Variants in ZNF516 observed in about 807,000 individuals in gnomAD.
The protein encoded by ZNF516 is zinc finger protein 516.
In ZNF516, 19 loss-of-function variants were observed where a neutral mutation model predicts 79.7. That is an observed-to-expected ratio of 0.24 (90% CI 0.17 to 0.35). ZNF516 has a LOEUF of 0.35. ZNF516 is among the 10% of genes least tolerant of loss of function. The pLI is 1.00. For missense variants in ZNF516, 1,678 were observed against 1,679.5 expected (o/e 1.00, Z 0.02); for synonymous variants, 877 against 739.5 (o/e 1.19, Z -3.02).
At position 76,442,144 on chromosome 18, in the gene ZNF516, C is replaced by T. The variant is rs763339807; in HGVS notation, c.911G>A (p.Ser304Asn). ...CAGCTCACTCTTGGGCCTGTTCTTG[C>T]TGCCCGTCTTGGGGCCGTGCGCCTT... Reference protein sequence around the residue: ...HMKAHGPKTGSKNRPKSELDP... With the variant: ...HMKAHGPKTGNKNRPKSELDP... The change falls in exon 3 of 7, where the codon AGC becomes AAC. Residue 304 changes from serine to asparagine, a missense_variant. By Grantham distance (46) the Ser-to-Asn change is conservative. Transcript: ENST00000443185. 1.2e-6 allele frequency: 2 copies of T among 1,613,976 alleles called. No homozygotes were observed. The highest frequency in any genetic ancestry group is 1.7e-4 in the Middle Eastern group (1 of 6,060).
At chr18:76,420,566 G>A (rs1046118947) in intron 3 of ZNF516, among the ~76,000 whole-genome samples, 7 of 151,962 alleles carry the variant, frequency 4.6e-5, no homozygotes, top group Non-Finnish European at 7.4e-5. Context: ...ATGTTATTTC[G>A]TGGAAAACAG....
At chr18:76,431,489 C>T (rs531714135) in intron 3 of ZNF516, among the ~76,000 whole-genome samples, 52 of 152,314 alleles carry the variant, frequency 3.4e-4, no homozygotes, top group Admixed American at 2.5e-3. Context: ...GTCCTGTGCC[C>T]GGCATGACGG....
chr18:76,467,519 G>A lies in ZNF516; in HGVS notation c.-271-4378C>T, dbSNP rs1297684755. ...TGCTGGAATTACAGCATCCACAGGT[G>A]CTGGGCTTTCCTGGAGGCTGCAAGT... On this transcript the variant is annotated intron_variant, in intron 1 of 6. Coordinates refer to ENST00000443185, the MANE Select transcript of ZNF516 (RefSeq NM_014643.4). This position sits in a 1 kb window ranked among gnomAD's most constrained non-coding sequence, Gnocchi z 4.2. Among the ~76,000 whole-genome samples the A allele has an allele frequency of 2.0e-5, 3 of 152,196 alleles. No homozygotes were observed. Among genetic ancestry groups the A allele is most frequent in the Admixed American group, 6.5e-5 (1 of 15,282 alleles).
In ZNF516 at chr18:76,451,836, A is replaced by G. The variant is rs563894722; in HGVS notation, c.-157-8625T>C. ...AGCCTATTCTCTCAACAAATGGGGG[A>G]AAATTCCATCACAACAATGAAGAGT... On this transcript the variant is annotated intron_variant, in intron 2 of 6. Transcript: ENST00000443185. The surrounding 1 kb of genome is among the most constrained non-coding windows in gnomAD (Gnocchi z 6.0). Among the ~76,000 whole-genome samples the G allele has an allele frequency of 6.6e-6, 1 of 152,230 alleles. No homozygotes were observed. The highest frequency in any genetic ancestry group is 2.1e-4 in the South Asian group (1 of 4,838).
intron 2 of ZNF516, among the ~76,000 whole-genome samples, chr18:76,453,012 G>A (rs965598086): frequency 8.5e-5 from 13 of 152,102 alleles, no homozygotes; most frequent in African/African-American, 2.7e-4. Flanking sequence ...CCTTTCTTTT[G>A]CTCTCCAAAA....
chr18:76,466,801 G>A (rs914128061), intron 1 of ZNF516, among the ~76,000 whole-genome samples: 3 of 152,216 alleles, frequency 2.0e-5, no homozygotes, highest in Non-Finnish European at 4.4e-5. Flanking sequence ...GCTGGGACAC[G>A]CACAGCTGAT....
rs752832086 is a variant in ZNF516, at chr18:76,442,734, G to C, written c.321C>G (p.Ala107=). Residue 107 remains alanine, a synonymous_variant, in exon 3 of 7, where the codon GCC becomes GCG. Coordinates refer to ENST00000443185, the MANE Select transcript of ZNF516 (RefSeq NM_014643.4). ...AGEAPLGEMR[A]SEGLDACASP... is the part of the protein sequence containing the mutation. The stretch of plus-strand genomic sequence containing the variant: ...TGGCGCAGGCGTCCAGGCCCTCGGA[G>C]GCGCGCATCTCACCCAGCGGCGCCT... 1 of 1,582,400 alleles carries C rather than the reference G, an allele frequency of 6.3e-7. No individual in the cohort carries two copies. The highest frequency in any genetic ancestry group is 8.6e-7 in the Non-Finnish European group (1 of 1,164,546).
intron 3 of ZNF516, among the ~76,000 whole-genome samples, chr18:76,411,307 A>C (rs2145303020): frequency 6.6e-6 from 1 of 152,342 alleles, no homozygotes; most frequent in South Asian, 2.1e-4. Context: ...ACTGCACCCC[A>C]GCTACACACA....
chr18:76,480,929 T>C (rs1914489409), intron 1 of ZNF516, among the ~76,000 whole-genome samples: 1 of 152,204 alleles, frequency 6.6e-6, no homozygotes, highest in African/African-American at 2.4e-5. Context: ...ATGAAGTCCA[T>C]CTCTTCCCTG....
intron 3 of ZNF516, among the ~76,000 whole-genome samples, chr18:76,423,980 C>T (rs1481321063): frequency 7.2e-6 from 1 of 139,772 alleles, no homozygotes; most frequent in South Asian, 2.4e-4. Context: ...AAGGCTCCCC[C>T]GAAACACACA....
intron 1 of ZNF516, among the ~76,000 whole-genome samples, chr18:76,478,512 T>C (rs945662218): frequency 1.8e-4 from 28 of 152,338 alleles, no homozygotes; most frequent in African/African-American, 6.7e-4. Flanking sequence ...ATCTCTTTTC[T>C]AAAATAAACA....
chr18:76,371,409 C>G, intron 5 of ZNF516, 58 bp downstream of exon 5: 11 of 1,502,258 alleles, frequency 7.3e-6, no homozygotes, highest in South Asian at 2.4e-5. Flanking sequence ...AAGCCACTGA[C>G]AGAAGAGACC....
At position 76,459,905 on chromosome 18, in the gene ZNF516, G is replaced by A. The variant is rs547519347; in HGVS notation, c.-158+3123C>T. Among the ~76,000 whole-genome samples the A allele has an allele frequency of 6.6e-6, 1 of 152,292 alleles. No individual in the cohort carries two copies. The highest frequency in any genetic ancestry group is 6.5e-5 in the Admixed American group (1 of 15,300). On this transcript the variant is annotated intron_variant, in intron 2 of 6. Transcript: ENST00000443185. This position sits in a 1 kb window ranked among gnomAD's most constrained non-coding sequence, Gnocchi z 5.0. ...AACGCCGGGTGGGGTCTTTACGTAG[G>A]CAGCCTCCTTGGCATCGGGCAGGTC... is the stretch of plus-strand genomic sequence containing the variant.
Position 76,459,654 on chromosome 18 carries a change from C to A in ZNF516, c.-158+3374G>T, listed in dbSNP as rs962850795. On this transcript the variant is annotated intron_variant, in intron 2 of 6. Transcript: ENST00000443185. This position sits in a 1 kb window ranked among gnomAD's most constrained non-coding sequence, Gnocchi z 5.0. ...ACAGCCCGAGTCAGAGTGGCCCAGCCTCCCCTGGACCTGATGCGGGGCTTC... is the reference window on the plus strand; with the variant it reads ...ACAGCCCGAGTCAGAGTGGCCCAGCATCCCCTGGACCTGATGCGGGGCTTC... 6.6e-6 allele frequency among the ~76,000 whole-genome samples: 1 copy of A among 152,204 alleles called. No homozygotes were observed. The highest frequency in any genetic ancestry group is 1.5e-5 in the Non-Finnish European group (1 of 68,038).
intron 1 of ZNF516, among the ~76,000 whole-genome samples, chr18:76,485,227 CATT>C (rs994254108): frequency 6.6e-6 from 1 of 152,174 alleles, no homozygotes; most frequent in Non-Finnish European, 1.5e-5. Context: ...AAATTATCAT[CATT>C]ATGCTAATGG....
intron 3 of ZNF516, among the ~76,000 whole-genome samples, chr18:76,424,592 G>T: frequency 7.9e-6 from 1 of 126,180 alleles, no homozygotes. Context: ...ACACGCAGGT[G>T]AAAAGGCTCC....
At chr18:76,420,996 CAAG>C (rs1021161616) in intron 3 of ZNF516, among the ~76,000 whole-genome samples, 8 of 152,134 alleles carry the variant, frequency 5.3e-5, no homozygotes, top group African/African-American at 1.9e-4. Context: ...AGAGAACAAA[CAAG>C]GAGATGTCCC....
At chr18:76,417,436 T>G (rs958576079) in intron 3 of ZNF516, among the ~76,000 whole-genome samples, 3 of 152,236 alleles carry the variant, frequency 2.0e-5, no homozygotes, top group African/African-American at 7.2e-5. Context: ...TGACTTTTGG[T>G]TTTTAACCAA....
intron 1 of ZNF516, among the ~76,000 whole-genome samples, chr18:76,472,700 G>T (rs1209387970): frequency 1.3e-5 from 2 of 152,148 alleles, no homozygotes; most frequent in Non-Finnish European, 2.9e-5. Flanking sequence ...ACCTGGAAAG[G>T]TCATCCGGTC....
Sources: gnomAD v4.1 joint callset for allele counts (sites outside exome capture counted in the v4.1 genomes callset) on GRCh38, gnomAD v4.1.1 for gene constraint, Gnocchi (gnomAD v3.1) non-coding constraint, MANE v1.5 for transcripts, NCBI Gene and HGNC (gene_info 2026-07-23, HGNC 2026-07-21) for gene names.